TJP1: variants seen among roughly 807,000 people sequenced by gnomAD.
TJP1 encodes the protein tight junction protein ZO-1.
In TJP1, 43 loss-of-function variants were observed where a neutral mutation model predicts 194.2. The ratio of observed to expected loss-of-function variants is 0.22; its 90% CI spans 0.17 to 0.29. The LOEUF (loss-of-function observed/expected upper bound fraction) is 0.29. Among genes scored for constraint, TJP1 ranks in the 10% least tolerant of loss-of-function variants. The pLI is 1.00. For synonymous variants in TJP1, 801 were observed against 779.0 expected (o/e 1.03, Z -0.47); for missense variants, 1,971 against 2,185.7 (o/e 0.90, Z 1.96).
intron 2 of TJP1, among the ~76,000 whole-genome samples, chr15:29,923,151 C>A (rs997893157): frequency 6.6e-6 from 1 of 152,126 alleles, no homozygotes; most frequent in Admixed American, 6.5e-5. Flanking sequence ...CCTTCACCCA[C>A]CAAATCTATT....
chr15:29,732,844 A>T, intron 13 of TJP1, 29 bp from the exon 14 acceptor site: 2 of 1,547,854 alleles, frequency 1.3e-6, no homozygotes, highest in Non-Finnish European at 1.7e-6. Flanking sequence ...AATTAAAATA[A>T]GGGCATTTAA....
chr15:29,715,905 T>C (rs188626967), intron 23 of TJP1, among the ~76,000 whole-genome samples: 4 of 152,370 alleles, frequency 2.6e-5, no homozygotes, highest in Admixed American at 6.5e-5. Context: ...GGTTTTGTTC[T>C]ATTGAGGTAT....
At chr15:29,914,627 C>A (rs1718976) in intron 2 of TJP1, among the ~76,000 whole-genome samples, 14,552 of 152,080 alleles carry the variant, frequency 0.096, 1,505 homozygotes, top group African/African-American at 0.26. Context: ...AGGGAGGCTC[C>A]AGGGAACATA....
chr15:29,739,839 T>A (rs913924351), intron 10 of TJP1, among the ~76,000 whole-genome samples: 58 of 152,198 alleles, frequency 3.8e-4, no homozygotes, highest in Non-Finnish European at 5.9e-5. Context: ...GGGGACTATC[T>A]ATGCCTGCAC....
chr15:29,765,062 A>G (rs902569992), intron 5 of TJP1, among the ~76,000 whole-genome samples: 1 of 152,126 alleles, frequency 6.6e-6, no homozygotes, highest in Non-Finnish European at 1.5e-5. Context: ...AAGGTGGGGG[A>G]AAAAAACAGA....
chr15:29,878,075 G>C (rs1237461048), intron 2 of TJP1, among the ~76,000 whole-genome samples: 1 of 148,964 alleles, frequency 6.7e-6, no homozygotes, highest in East Asian at 2.0e-4. Flanking sequence ...TTTTTGAGAC[G>C]GAGTCTTGCT....
intron 2 of TJP1, among the ~76,000 whole-genome samples, chr15:29,849,484 A>G (rs2051553619): frequency 6.6e-6 from 1 of 151,678 alleles, no homozygotes; most frequent in Admixed American, 6.6e-5. Flanking sequence ...CATACCTGTA[A>G]TCCCAACATT....
chr15:29,940,543 C>A (rs1307361104), intron 2 of TJP1, among the ~76,000 whole-genome samples: 1 of 152,140 alleles, frequency 6.6e-6, no homozygotes, highest in African/African-American at 2.4e-5. Flanking sequence ...ACAAATACAA[C>A]CAATTTTCTA....
rs902788596 is a variant in TJP1, at chr15:29,718,208, G to A, written c.3876+58C>T. 3.1e-5 allele frequency: 49 copies of A among 1,593,776 alleles called. 2 individuals are homozygous for A. The East Asian group carries it at 9.6e-4, about 31-fold the overall frequency. On this transcript the variant is annotated intron_variant, in intron 21 of 27. Transcript: ENST00000614355. ...ATATCATGTAATGGCGGAGGGGAGAGCCAAGAAGCCTTTTAAACGGTGTGC... is the reference window on the plus strand; with the variant it reads ...ATATCATGTAATGGCGGAGGGGAGAACCAAGAAGCCTTTTAAACGGTGTGC...
At chr15:29,720,762 G>T in intron 18 of TJP1, 54 bp from the exon 19 acceptor site, 1 of 1,366,912 alleles carries the variant, frequency 7.3e-7, no homozygotes, top group Non-Finnish European at 1.0e-6. Flanking sequence ...TTTAAGAGAT[G>T]GCCTTTATCG....
intron 2 of TJP1, among the ~76,000 whole-genome samples, chr15:29,877,312 G>C (rs1462072625): frequency 1.3e-5 from 2 of 152,206 alleles, no homozygotes; most frequent in Non-Finnish European, 2.9e-5. Context: ...GACCTCCCGA[G>C]CTTGAGAGAT....
chr15:29,752,181 C>A (rs952415962), intron 8 of TJP1, among the ~76,000 whole-genome samples: 14 of 151,966 alleles, frequency 9.2e-5, no homozygotes, highest in Non-Finnish European at 1.6e-4. Context: ...CGGCTCACTG[C>A]AACCTCTGCC....
intron 27 of TJP1, 116 bp downstream of exon 27, chr15:29,704,046 G>A (rs2041730242): frequency 1.8e-6 from 2 of 1,127,348 alleles, no homozygotes; most frequent in Non-Finnish European, 1.2e-6. Context: ...TGCCTACAAG[G>A]CCACAGGAAC....
rs765959689 is a variant in TJP1 at position 29,708,813 on chromosome 15, A to G, written c.4596T>C (p.Tyr1532=). 5.6e-6 allele frequency: 9 copies of G among 1,614,184 alleles called. No individual in the cohort carries two copies. In the South Asian group the frequency reaches 6.6e-5, roughly 12 times the overall value. ...GTTCAAATGGTCGGGCAGAACTTGT[A>G]TATGGTTTTGGTGTGAATCGATTGT... ...PAYNRFTPKP[Y]TSSARPFERK... is the part of the protein sequence containing the mutation. The change falls in exon 25 of 28, where the codon TAT becomes TAC. Residue 1532 remains tyrosine (Y), a synonymous_variant. Transcript: ENST00000614355.
intron 2 of TJP1, among the ~76,000 whole-genome samples, chr15:29,862,330 T>A (rs1300266657): frequency 6.6e-6 from 1 of 152,138 alleles, no homozygotes; most frequent in East Asian, 1.9e-4. Context: ...AGGTAAACAG[T>A]ACAACATGGG....
chr15:29,881,513 G>A (rs1487236773), intron 2 of TJP1, among the ~76,000 whole-genome samples: 1 of 152,138 alleles, frequency 6.6e-6, no homozygotes, highest in Admixed American at 6.6e-5. Flanking sequence ...TTTAAATTCT[G>A]CCAGTGTCAC....
intron 15 of TJP1, 126 bp from the exon 16 acceptor site, chr15:29,728,145 G>A: frequency 1.5e-6 from 1 of 678,868 alleles, no homozygotes; most frequent in African/African-American, 1.8e-5. Flanking sequence ...ACTGTCTTAT[G>A]CATGCAGTAC....
intron 1 of TJP1, among the ~76,000 whole-genome samples, chr15:29,809,502 C>T (rs2049338060): frequency 1.3e-5 from 2 of 152,096 alleles, no homozygotes; most frequent in South Asian, 4.1e-4. Context: ...GTTAAACAAT[C>T]ACAGTAAGAG....
chr15:29,727,288 G>T (rs1479207192), intron 16 of TJP1, among the ~76,000 whole-genome samples: 1 of 150,454 alleles, frequency 6.6e-6, no homozygotes, highest in African/African-American at 2.4e-5. Flanking sequence ...AGGCTACAGT[G>T]AGCCGAGATC....
Sources: allele counts gnomAD v4.1 joint callset (sites outside exome capture counted in the v4.1 genomes callset), GRCh38; gene constraint gnomAD v4.1.1; transcripts MANE v1.5; gene names NCBI Gene and HGNC (gene_info 2026-07-23, HGNC 2026-07-21).